The following WNT2 variants were observed in gnomAD, a reference collection of about 807,000 sequenced individuals.
WNT2 encodes the protein Wnt family member 2.
WNT2 carries 12 observed loss-of-function variants against 36.9 expected under a neutral mutation model. That is an observed-to-expected ratio of 0.33 (90% CI 0.21 to 0.53). The LOEUF (loss-of-function observed/expected upper bound fraction) is 0.53, where lower values mean the gene tolerates loss of function less well. Among genes scored for constraint, WNT2 ranks in the 20% least tolerant of loss-of-function variants. The pLI, the probability that WNT2 is intolerant of heterozygous loss-of-function variation, is 0.95. For synonymous variants in WNT2, 163 were observed against 174.6 expected, an observed-to-expected ratio of 0.93 and a Z score of 0.52; for missense variants, 379 against 473.1, an observed-to-expected ratio of 0.80 and a Z score of 1.84.
intron 3 of WNT2, among the ~76,000 whole-genome samples, chr7:117,314,367 T>C (rs1345938256): frequency 6.6e-6 from 1 of 152,252 alleles, no homozygotes; most frequent in Non-Finnish European, 1.5e-5. Flanking sequence ...CCTAACTTTC[T>C]AGTCCTTTCT....
intron 4 of WNT2, among the ~76,000 whole-genome samples, chr7:117,288,691 A>AT (rs1370657670): frequency 5.9e-5 from 9 of 151,976 alleles, no homozygotes; most frequent in Non-Finnish European, 1.0e-4. Flanking sequence ...GAAAATAAAC[A>AT]TTTTTTTCCT....
In WNT2 at chr7:117,292,020, G is replaced by A. The variant is rs143288054; in HGVS notation, c.853+5592C>T. On this transcript the variant is annotated intron_variant, in intron 4 of 4. Transcript: ENST00000265441. ...TCGAACTCCCAAACTCAGGTGAGCCGCCCTCCTCGGCCTCCCAGAGTGCTG... is the reference window on the plus strand; with the variant it reads ...TCGAACTCCCAAACTCAGGTGAGCCACCCTCCTCGGCCTCCCAGAGTGCTG... Among the ~76,000 whole-genome samples, 565 of 152,156 alleles carry A rather than the reference G, an allele frequency of 3.7e-3. 4 individuals are homozygous for A. Among genetic ancestry groups the A allele is most frequent in the African/African-American group, 0.013 (520 of 41,492 alleles).
rs1457729060 is a variant in WNT2 at position 117,278,198 on chromosome 7, G to A, written c.1040C>T (p.Thr347Ile). 6.2e-7 allele frequency: 1 copy of A among 1,614,270 alleles called. No homozygotes were observed. The highest frequency in any genetic ancestry group is 8.5e-7 in the Non-Finnish European group (1 of 1,180,050). ...GTCAGCGTTCTTGGGGGCCTTGCAT[G>A]TGTGCACATCCAGAGCTTCCAGGCA... ...QDCLEALDVH[T>I]CKAPKNADWT... The change falls in exon 5 of 5, where the codon ACA (threonine) becomes ATA (isoleucine). Residue 347 changes from threonine to isoleucine, a missense_variant. Thr to Ile is a moderately conservative substitution (Grantham distance 89, BLOSUM62 -1). Coordinates refer to ENST00000265441, the MANE Select transcript of WNT2 (RefSeq NM_003391.3).
In WNT2 at chr7:117,293,106, T is replaced by TA. The variant is rs958815298; in HGVS notation, c.853+4505dup. ...TACTGCAGTCTGGGCAACAGAGCAA[T>TA]AAAAAAAAAATTAAAATGATGAAAA... On this transcript the variant is annotated intron_variant, in intron 4 of 4. Coordinates refer to ENST00000265441, the MANE Select transcript of WNT2 (RefSeq NM_003391.3). Among the ~76,000 whole-genome samples the TA allele has an allele frequency of 1.6e-3, 231 of 148,306 alleles. 1 individual carries two copies. The highest frequency in any genetic ancestry group is 4.8e-3 in the African/African-American group (193 of 40,524).
intron 3 of WNT2, among the ~76,000 whole-genome samples, chr7:117,304,841 G>A (rs572819976): frequency 1.3e-5 from 2 of 152,138 alleles, no homozygotes; most frequent in East Asian, 3.9e-4. Context: ...CTTTCTTCCC[G>A]ATTTCTTGAG....
At chr7:117,313,551 T>C (rs535434569) in intron 3 of WNT2, among the ~76,000 whole-genome samples, 13 of 152,376 alleles carry the variant, frequency 8.5e-5, no homozygotes, top group African/African-American at 3.1e-4. Context: ...ATGACCTATT[T>C]AGTGAAATTA....
chr7:117,296,740 T>C (rs1271769182), intron 4 of WNT2, among the ~76,000 whole-genome samples: 2 of 152,040 alleles, frequency 1.3e-5, no homozygotes, highest in African/African-American at 4.8e-5. Context: ...ACAGCTGCGG[T>C]GTTGAGGCTG....
Position 117,276,371 on chromosome 7 carries a change from T to C in WNT2, c.*1784A>G, listed in dbSNP as rs948210673. The stretch of plus-strand genomic sequence containing the variant: ...GAGCAGCTGCCCATGTGCCTGGCCT[T>C]CTTCACACCAAGCTCAGAGCAGCTA... On this transcript the variant is annotated 3_prime_UTR_variant, in exon 5 of 5. Coordinates refer to ENST00000265441, the MANE Select transcript of WNT2 (RefSeq NM_003391.3). 6.6e-6 allele frequency among the ~76,000 whole-genome samples: 1 copy of C among 152,226 alleles called. No individual in the cohort carries two copies. The highest frequency in any genetic ancestry group is 1.5e-5 in the Non-Finnish European group (1 of 68,046).
rs1365603986 is a variant in WNT2, at chr7:117,278,364, G to A, written c.874C>T (p.Arg292Cys). The A allele has an allele frequency of 2.5e-6, 4 of 1,613,834 alleles. No individual in the cohort carries two copies. The highest frequency in any genetic ancestry group is 1.7e-5 in the Admixed American group (1 of 59,984). ...CCCCGGGAAGTCAGGTTGCACACAC[G>A]GCCTGCTGTACCCAGGGAGCCTGGA... ...REAGSLGTAGRVCNLTSRGMD... is the reference protein window; with the variant it reads ...REAGSLGTAGCVCNLTSRGMD... The change falls in exon 5 of 5, where the codon CGT becomes TGT. Residue 292 changes from arginine (R) to cysteine (C), a missense_variant. Transcript: ENST00000265441.
At position 117,320,674 on chromosome 7, in the gene WNT2, C is replaced by A. The variant is rs796359663; in HGVS notation, c.203G>T (p.Gly68Val). 1 of 1,613,974 alleles carries A rather than the reference C, an allele frequency of 6.2e-7. No individual in the cohort carries two copies. The highest frequency in any genetic ancestry group is 1.7e-5 in the Admixed American group (1 of 60,016). The change falls in exon 2 of 5, where the codon GGC becomes GTC. Residue 68 changes from glycine (G) to valine (V), a missense_variant. Gly to Val is a moderately radical substitution (Grantham distance 109). Transcript: ENST00000265441. Reference protein sequence around the residue: ...HPDVMRAISQGVAEWTAECQH... With the variant: ...HPDVMRAISQVVAEWTAECQH... ...GCATTCTGCTGTCCACTCGGCCACG[C>A]CCTGGCTAATGGCACGCATCACATC... is the stretch of plus-strand genomic sequence containing the variant.
intron 2 of WNT2, among the ~76,000 whole-genome samples, chr7:117,319,459 A>G (rs771740997): frequency 2.7e-5 from 4 of 149,266 alleles, no homozygotes; most frequent in Non-Finnish European, 5.9e-5. Flanking sequence ...TGATGATTAC[A>G]TGATAGAAAC....
At chr7:117,295,093 AAAAAG>A (rs1164212623) in intron 4 of WNT2, among the ~76,000 whole-genome samples, 6 of 152,096 alleles carry the variant, frequency 3.9e-5, no homozygotes, top group Admixed American at 2.0e-4. Flanking sequence ...TCTGTCTCAA[AAAAAG>A]AAAAGAGAAG....
chr7:117,285,966 C>T (rs1452482105), intron 4 of WNT2, among the ~76,000 whole-genome samples: 2 of 152,172 alleles, frequency 1.3e-5, no homozygotes, highest in Non-Finnish European at 2.9e-5. Flanking sequence ...ATTGTGAGAT[C>T]ATCGTCCTAA....
rs182450928 is a variant in WNT2, at chr7:117,288,267, T to A, written c.853+9345A>T. On this transcript the variant is annotated intron_variant, in intron 4 of 4. Transcript: ENST00000265441. ...TTAATTAAACTTAATAATTAATTCA[T>A]TCACTTACTGAATCAAAGGAACCTT... Among the ~76,000 whole-genome samples, 3 of 152,328 alleles carry A rather than the reference T, an allele frequency of 2.0e-5. No individual in the cohort carries two copies. The East Asian group carries it at 5.8e-4, about 29-fold the overall frequency.
intron 3 of WNT2, among the ~76,000 whole-genome samples, chr7:117,302,419 T>C (rs372834522): frequency 2.6e-5 from 4 of 152,352 alleles, no homozygotes; most frequent in African/African-American, 7.2e-5. Flanking sequence ...AGACTGATAA[T>C]GTTTGGTGTT....
chr7:117,286,638 T>G (rs1327873782), intron 4 of WNT2, among the ~76,000 whole-genome samples: 1 of 152,226 alleles, frequency 6.6e-6, no homozygotes, highest in African/African-American at 2.4e-5. Flanking sequence ...TCTTACATGT[T>G]GTCATTAATG....
At chr7:117,280,910 A>C (rs916724) in intron 4 of WNT2, among the ~76,000 whole-genome samples, 95,824 of 151,562 alleles carry the variant, frequency 0.63, 30,439 homozygotes, top group East Asian at 0.72. Flanking sequence ...TATCAGAGAA[A>C]AAAAATGAAG....
chr7:117,315,386 G>A, intron 2 of WNT2, 38 bp from the exon 3 acceptor site: 2 of 1,577,482 alleles, frequency 1.3e-6, no homozygotes, highest in Non-Finnish European at 1.7e-6. Context: ...TGGTCCGGTA[G>A]CACTATTTCT....
intron 3 of WNT2, among the ~76,000 whole-genome samples, chr7:117,307,904 A>G (rs1795043424): frequency 6.6e-6 from 1 of 152,242 alleles, no homozygotes; most frequent in Non-Finnish European, 1.5e-5. Flanking sequence ...TGTTTTCACT[A>G]AATTATTTAG....
Sources: gnomAD v4.1 joint callset for allele counts (sites outside exome capture counted in the v4.1 genomes callset) on GRCh38, gnomAD v4.1.1 for gene constraint, MANE v1.5 for transcripts, NCBI Gene and HGNC (gene_info 2026-07-23, HGNC 2026-07-21) for gene names.